SMURF2: variants seen among roughly 807,000 people sequenced by gnomAD.
SMURF2 encodes the protein E3 ubiquitin-protein ligase SMURF2.
In SMURF2, 48 loss-of-function variants were observed where a neutral mutation model predicts 109.6. The ratio of observed to expected loss-of-function variants is 0.44; its 90% CI spans 0.35 to 0.56. The LOEUF is 0.56. SMURF2 is among the 20% of genes least tolerant of loss of function. SMURF2 has a pLI of 0.01. For missense variants in SMURF2, 575 were observed against 909.0 expected (o/e 0.63, Z 4.72); for synonymous variants, 288 against 317.1 (o/e 0.91, Z 0.97).
At position 64,598,443 on chromosome 17, in the gene SMURF2, A is replaced by G; in HGVS notation, c.139T>C (p.Cys47Arg). 6.2e-7 allele frequency: 1 copy of G among 1,610,586 alleles called. No homozygotes were observed. The highest frequency in any genetic ancestry group is 8.5e-7 in the Non-Finnish European group (1 of 1,179,236). Residue 47 changes from cysteine to arginine, a missense_variant, in exon 3 of 19, where the codon TGC becomes CGC. Transcript: ENST00000262435. Reference sequence around the variant, plus strand: ...TTCTTCACAGTATCTGTAGAATGGCATTGCCCAGATCCATCAACCACCACC... The same window carrying G: ...TTCTTCACAGTATCTGTAGAATGGCGTTGCCCAGATCCATCAACCACCACC... Reference protein sequence around the residue: ...AKVVVDGSGQCHSTDTVKNTL... With the variant: ...AKVVVDGSGQRHSTDTVKNTL...
At chr17:64,602,057 C>T (rs1185075950) in intron 2 of SMURF2, among the ~76,000 whole-genome samples, 1 of 151,786 alleles carries the variant, frequency 6.6e-6, no homozygotes, top group Non-Finnish European at 1.5e-5. Flanking sequence ...GACTATTATT[C>T]TAAGTGAAGT....
chr17:64,644,826 CCT>C (rs1160423129), intron 1 of SMURF2, among the ~76,000 whole-genome samples: 1 of 151,290 alleles, frequency 6.6e-6, no homozygotes, highest in Non-Finnish European at 1.5e-5. Flanking sequence ...ATGGTGAAAC[CCT>C]GTCTCTACTA....
chr17:64,625,988 T>C (rs782705232), intron 1 of SMURF2, among the ~76,000 whole-genome samples: 15 of 152,088 alleles, frequency 9.9e-5, no homozygotes, highest in Non-Finnish European at 2.2e-4. Context: ...AAGAACAACA[T>C]AGGGGCTGGG....
At chr17:64,587,190 T>TA (rs1285907583) in intron 5 of SMURF2, among the ~76,000 whole-genome samples, 5 of 151,864 alleles carry the variant, frequency 3.3e-5, no homozygotes, top group African/African-American at 1.2e-4. Context: ...AATAAATAAA[T>TA]AATAAATAAA....
chr17:64,637,264 T>C (rs1409142482), intron 1 of SMURF2, among the ~76,000 whole-genome samples: 1 of 151,254 alleles, frequency 6.6e-6, no homozygotes, highest in African/African-American at 2.4e-5. Context: ...GTAAGTGAGA[T>C]TACAGGTGCC....
chr17:64,581,131 A>G lies in SMURF2; in HGVS notation c.570-140T>C. The G allele has an allele frequency of 6.7e-6, 5 of 751,110 alleles. No individual in the cohort carries two copies. Among genetic ancestry groups the G allele is most frequent in the Non-Finnish European group, 8.5e-6 (4 of 468,892 alleles). The allele number at this position is 751,110 out of a possible 1,614,324, so 46.5% of individuals were successfully genotyped here. The stretch of plus-strand genomic sequence containing the variant: ...GACTAATACAAGTATAATGACTTCA[A>G]GAACTCTGAGTAAAAGCAAACCTGA... On this transcript the variant is annotated intron_variant, in intron 7 of 18. Transcript: ENST00000262435. The surrounding 1 kb of genome is among the most constrained non-coding windows in gnomAD (Gnocchi z 4.3).
At chr17:64,655,414 C>T (rs370310197) in intron 1 of SMURF2, among the ~76,000 whole-genome samples, 5 of 151,446 alleles carry the variant, frequency 3.3e-5, no homozygotes, top group East Asian at 3.9e-4. Flanking sequence ...TGTGCCACCA[C>T]ACTCAACTAA....
chr17:64,622,143 T>G (rs1239537025), intron 1 of SMURF2, among the ~76,000 whole-genome samples: 1 of 151,240 alleles, frequency 6.6e-6, no homozygotes, highest in Non-Finnish European at 1.5e-5. Flanking sequence ...AAAATACTTC[T>G]ATACAACTAT....
At chr17:64,589,576 C>A (rs1969721669) in intron 5 of SMURF2, among the ~76,000 whole-genome samples, 1 of 151,914 alleles carries the variant, frequency 6.6e-6, no homozygotes, top group South Asian at 2.1e-4. Flanking sequence ...ACCACCCGAG[C>A]TCTGCCTCCT....
rs1378087509 is a variant in SMURF2 at position 64,544,152 on chromosome 17, T to C, written c.*1696A>G. On this transcript the variant is annotated 3_prime_UTR_variant, in exon 19 of 19. Transcript: ENST00000262435. ...CCACTGCACCCCATGAAAGCTTACT[T>C]GAAATTCCAATATACATAAGAAAAA... The C allele has an allele frequency of 6.6e-6, 1 of 152,160 alleles. No homozygotes were observed. Among genetic ancestry groups the C allele is most frequent in the Non-Finnish European group, 1.5e-5 (1 of 68,028 alleles). The allele number at this position is 152,160 out of a possible 1,614,324, so 9.4% of individuals were successfully genotyped here.
chr17:64,565,590 T>C (rs1023417602), intron 10 of SMURF2, among the ~76,000 whole-genome samples: 2 of 151,622 alleles, frequency 1.3e-5, no homozygotes, highest in Admixed American at 1.3e-4. Flanking sequence ...TAATTAGTGT[T>C]ACTGGAATCA....
chr17:64,576,543 A>C (rs1173767322), intron 9 of SMURF2, among the ~76,000 whole-genome samples: 3 of 151,308 alleles, frequency 2.0e-5, no homozygotes, highest in African/African-American at 7.4e-5. Flanking sequence ...AGGTGCCTGT[A>C]ATCCTAGCTA....
At chr17:64,631,271 AGGGGG>A (rs528711403) in intron 1 of SMURF2, among the ~76,000 whole-genome samples, 1 of 5,888 alleles carries the variant, frequency 1.7e-4, no homozygotes, top group Non-Finnish European at 2.7e-4. Context: ...GGGGGGAGAG[AGGGGG>A]GGGGGGAGAG....
At chr17:64,563,150 T>C (rs1174793294) in intron 10 of SMURF2, 184 bp from the exon 11 acceptor site, 15 of 516,370 alleles carry the variant, frequency 2.9e-5, no homozygotes, top group Non-Finnish European at 4.8e-5. Context: ...TTATTTCTCA[T>C]AGTCCACATA....
chr17:64,562,270 C>T (rs1236379141), intron 11 of SMURF2, among the ~76,000 whole-genome samples: 7 of 103,128 alleles, frequency 6.8e-5, no homozygotes, highest in African/African-American at 1.2e-4. Context: ...TCCAGCCTGG[C>T]GACAGACTCC....
At chr17:64,652,432 T>C (rs1434045910) in intron 1 of SMURF2, among the ~76,000 whole-genome samples, 1 of 152,216 alleles carries the variant, frequency 6.6e-6, no homozygotes, top group Non-Finnish European at 1.5e-5. Context: ...GGTAGAATCA[T>C]AAAGAAAACA....
chr17:64,613,725 T>G, intron 1 of SMURF2, among the ~76,000 whole-genome samples: 1 of 136,246 alleles, frequency 7.3e-6, no homozygotes, highest in African/African-American at 2.8e-5. Flanking sequence ...TGTGTGTGTG[T>G]GTGTGTGTGT....
Position 64,580,874 on chromosome 17 carries a change from T to C in SMURF2, c.687A>G (p.Ala229=), listed in dbSNP as rs1969569656. The stretch of plus-strand genomic sequence containing the variant: ...GTCGTTGTGACCTGACTCTCCTCTC[T>C]GCCAGCCTGGGATCTGAAGACTGTC... The part of the protein sequence containing the change: ...TCGQSSDPRL[A]ERRVRSQRHR... Residue 229 remains alanine (A), a synonymous_variant, in exon 8 of 19, where the codon GCA becomes GCG. Transcript: ENST00000262435. The C allele has an allele frequency of 4.3e-6, 7 of 1,614,194 alleles. No homozygotes were observed. The highest frequency in any genetic ancestry group is 5.9e-6 in the Non-Finnish European group (7 of 1,180,024).
At chr17:64,638,692 T>C (rs909211940) in intron 1 of SMURF2, among the ~76,000 whole-genome samples, 1 of 152,250 alleles carries the variant, frequency 6.6e-6, no homozygotes. Context: ...TTTCCTCTAC[T>C]AACCACACAC....
Sources: allele counts gnomAD v4.1 joint callset (sites outside exome capture counted in the v4.1 genomes callset), GRCh38; gene constraint gnomAD v4.1.1; non-coding constraint Gnocchi (gnomAD v3.1); transcripts MANE v1.5; gene names NCBI Gene and HGNC (gene_info 2026-07-23, HGNC 2026-07-21).